Variants in TBL1X observed in about 807,000 individuals in gnomAD.
The protein encoded by TBL1X is F-box-like/WD repeat-containing protein TBL1X.
Under a neutral mutation model 50.7 loss-of-function variants are expected in TBL1X, and 10 were observed. The observed-to-expected ratio is 0.20, with a 90% CI of 0.12 to 0.33. TBL1X has a LOEUF of 0.33. TBL1X is among the 10% of genes least tolerant of loss of function. The probability of loss-of-function intolerance (pLI) is 1.00; values close to 1 mark genes in which losing one functional copy is unlikely to be tolerated. For synonymous variants in TBL1X, 190 were observed against 214.7 expected, an observed-to-expected ratio of 0.88 and a Z score of 1.01; for missense variants, 340 against 504.4, an observed-to-expected ratio of 0.67 and a Z score of 3.12.
At chrX:9,493,820 A>G (rs1483280681) in intron 1 of TBL1X, among the ~76,000 whole-genome samples, 2 of 111,492 alleles carry the variant, frequency 1.8e-5, no homozygotes, top group East Asian at 2.8e-4. Context: ...GTAATTGTAG[A>G]TTTTTGTTGT....
At chrX:9,608,275 A>C (rs2082594231) in intron 2 of TBL1X, among the ~76,000 whole-genome samples, 1 of 111,775 alleles carries the variant, frequency 8.9e-6, no homozygotes, top group South Asian at 3.8e-4. Context: ...CACTGGGTTT[A>C]GGTCATGGGT....
intron 1 of TBL1X, among the ~76,000 whole-genome samples, chrX:9,466,106 C>T (rs1029146073): frequency 1.8e-5 from 2 of 112,059 alleles, no homozygotes; most frequent in Admixed American, 1.9e-4. Context: ...GCACCCTTGG[C>T]CCGTCGAGGG....
intron 5 of TBL1X, among the ~76,000 whole-genome samples, chrX:9,661,648 G>A (rs1435683270): frequency 8.9e-6 from 1 of 111,740 alleles, no homozygotes; most frequent in East Asian, 2.8e-4. Context: ...GACCTCAGCG[G>A]CCTCCTCTTT....
chrX:9,560,055 C>A (rs2082317785), intron 2 of TBL1X, among the ~76,000 whole-genome samples: 1 of 111,696 alleles, frequency 9.0e-6, no homozygotes, highest in African/African-American at 3.3e-5. Context: ...CCTAGATATC[C>A]TTCACCCCAT....
At chrX:9,561,321 C>T (rs998976369) in intron 2 of TBL1X, among the ~76,000 whole-genome samples, 2 of 111,399 alleles carry the variant, frequency 1.8e-5, no homozygotes, top group African/African-American at 6.5e-5. Context: ...GAGTGAAGCT[C>T]CAGTATTTGT....
In TBL1X at chrX:9,470,885, C is replaced by T. The variant is rs189265953; in HGVS notation, c.-201+5438C>T. On this transcript the variant is annotated intron_variant, in intron 1 of 17. Coordinates refer to ENST00000645353, the MANE Select transcript of TBL1X (RefSeq NM_005647.4). ...CTGACTTCAGATGATCCACTCGCCTCGGCCTCCCAAACTACTGGAATTACA... is the reference window on the plus strand; with the variant it reads ...CTGACTTCAGATGATCCACTCGCCTTGGCCTCCCAAACTACTGGAATTACA... 3.6e-3 allele frequency among the ~76,000 whole-genome samples: 408 copies of T among 111,962 alleles called. 4 individuals are homozygous for T. Among genetic ancestry groups the T allele is most frequent in the African/African-American group, 0.012 (384 of 30,785 alleles).
chrX:9,627,466 GA>G (rs767066622), intron 2 of TBL1X, among the ~76,000 whole-genome samples: 1 of 112,029 alleles, frequency 8.9e-6, no homozygotes, highest in African/African-American at 3.2e-5. Context: ...TCTGAGTCAG[GA>G]AAAAAGTATC....
intron 11 of TBL1X, among the ~76,000 whole-genome samples, chrX:9,694,786 C>G (rs1465097201): frequency 9.1e-6 from 1 of 110,375 alleles, no homozygotes; most frequent in African/African-American, 3.3e-5. Context: ...CCAGCCTGAC[C>G]AACATGGAGA....
chrX:9,557,906 T>C (rs2082308166), intron 2 of TBL1X, among the ~76,000 whole-genome samples: 1 of 112,266 alleles, frequency 8.9e-6, no homozygotes, highest in African/African-American at 3.2e-5. Context: ...GCTCATTAAA[T>C]GTTTCCTGGA....
Position 9,709,663 on chromosome X carries a change from C to G in TBL1X, c.1342C>G (p.His448Asp), listed in dbSNP as rs1243584971. 8.6e-7 allele frequency: 1 copy of G among 1,156,963 alleles called. No individual in the cohort carries two copies. Residue 448 changes from histidine (H) to aspartate (D), a missense_variant, in exon 15 of 18, where the codon CAT (histidine) becomes GAT (aspartate). His to Asp is a moderately conservative substitution (Grantham distance 81). This residue lies in a region of TBL1X where 170 missense variants were observed against 272.6 expected (regional missense o/e 0.62). Coordinates refer to ENST00000645353, the MANE Select transcript of TBL1X (RefSeq NM_005647.4). ...GAGCATGAAACAGGAGGTGTGCATC[C>G]ATGATCTTCAGGCTCACAATAAAGA... Reference protein sequence around the residue: ...IWSMKQEVCIHDLQAHNKEIY... With the variant: ...IWSMKQEVCIDDLQAHNKEIY...
chrX:9,527,750 C>T (rs1445467382), intron 2 of TBL1X, among the ~76,000 whole-genome samples: 3 of 110,603 alleles, frequency 2.7e-5, no homozygotes. Context: ...GTGCTGGGAT[C>T]CCATATTCAC....
intron 5 of TBL1X, among the ~76,000 whole-genome samples, chrX:9,663,769 A>G (rs1447082662): frequency 9.1e-6 from 1 of 109,711 alleles, no homozygotes; most frequent in Non-Finnish European, 1.9e-5. Context: ...TCAAAAAAAA[A>G]AAAAAAAAAA....
At chrX:9,639,265 C>T (rs1569083757) in intron 2 of TBL1X, among the ~76,000 whole-genome samples, 1 of 111,032 alleles carries the variant, frequency 9.0e-6, no homozygotes, top group Non-Finnish European at 1.9e-5. Flanking sequence ...TATAAACTCC[C>T]TAATAAGAAA....
Position 9,547,492 on chromosome X carries a change from G to C in TBL1X, c.-131+45643G>C, listed in dbSNP as rs1366618487. Among the ~76,000 whole-genome samples, 3 of 110,803 alleles carry C rather than the reference G, an allele frequency of 2.7e-5. No individual in the cohort carries two copies. The East Asian group carries it at 8.6e-4, about 32-fold the overall frequency. On this transcript the variant is annotated intron_variant, in intron 2 of 17. Coordinates refer to ENST00000645353, the MANE Select transcript of TBL1X (RefSeq NM_005647.4). ...GTGCTACCACGCCCAGCTAATTTTTGTATTTTTGGTAGAGACAGGGTTTCA... is the reference window on the plus strand; with the variant it reads ...GTGCTACCACGCCCAGCTAATTTTTCTATTTTTGGTAGAGACAGGGTTTCA...
intron 11 of TBL1X, among the ~76,000 whole-genome samples, chrX:9,696,332 C>T (rs766913085): frequency 8.9e-6 from 1 of 112,602 alleles, no homozygotes; most frequent in South Asian, 3.7e-4. Context: ...ACACTCACTG[C>T]TTGCTTTCCT....
intron 2 of TBL1X, among the ~76,000 whole-genome samples, chrX:9,549,283 C>T (rs2082259795): frequency 8.9e-6 from 1 of 112,508 alleles, no homozygotes; most frequent in Admixed American, 9.4e-5. Context: ...CTGCAAACTG[C>T]AGCCCGTGGG....
intron 2 of TBL1X, among the ~76,000 whole-genome samples, chrX:9,540,653 A>C (rs1343993436): frequency 8.9e-6 from 1 of 112,778 alleles, no homozygotes; most frequent in African/African-American, 3.2e-5. Context: ...AAAATGTTTT[A>C]TATTAACAAT....
intron 9 of TBL1X, 79 bp from the exon 10 acceptor site, chrX:9,693,070 C>T (rs3747431): frequency 1.9e-6 from 2 of 1,067,797 alleles, no homozygotes; most frequent in East Asian, 3.0e-5. Flanking sequence ...CCTGGATCCT[C>T]GGAGAGGCTC....
chrX:9,690,276 G>GT (rs1390851352), intron 7 of TBL1X, among the ~76,000 whole-genome samples: 1 of 112,211 alleles, frequency 8.9e-6, no homozygotes, highest in Non-Finnish European at 1.9e-5. Context: ...TCAGGCTGCC[G>GT]TAACAAAAGG....
Sources: allele counts gnomAD v4.1 joint callset (sites outside exome capture counted in the v4.1 genomes callset), GRCh38; gene constraint gnomAD v4.1.1; regional missense constraint gnomAD v4.1.1; transcripts MANE v1.5; gene names NCBI Gene and HGNC (gene_info 2026-07-23, HGNC 2026-07-21).